The following CCSER1 variants were observed in gnomAD, a reference collection of about 807,000 sequenced individuals.
The protein encoded by CCSER1 is coiled-coil serine rich protein 1.
A neutral mutation model predicts 82.0 loss-of-function variants in CCSER1; 41 were observed. That is an observed-to-expected ratio of 0.50 (90% CI 0.39 to 0.65). CCSER1 has a LOEUF of 0.65. Ranked by LOEUF, CCSER1 falls within the 30% of genes least tolerant of loss-of-function variation. The pLI is 0.00. For missense variants in CCSER1, 1,119 were observed against 1,064.2 expected (o/e 1.05, Z -0.72); for synonymous variants, 414 against 383.9 (o/e 1.08, Z -0.92).
chr4:90,804,857 A>G (rs1757303472), intron 7 of CCSER1, among the ~76,000 whole-genome samples: 1 of 152,204 alleles, frequency 6.6e-6, no homozygotes. Context: ...CAGGAATGAA[A>G]TCACTTGTAT....
At chr4:90,534,533 C>A (rs987335022) in intron 5 of CCSER1, among the ~76,000 whole-genome samples, 3 of 151,038 alleles carry the variant, frequency 2.0e-5, no homozygotes, top group Non-Finnish European at 4.4e-5. Flanking sequence ...TATGGACGAG[C>A]CCCACTATTA....
At chr4:90,568,468 A>C (rs1436576677) in intron 5 of CCSER1, among the ~76,000 whole-genome samples, 1 of 151,800 alleles carries the variant, frequency 6.6e-6, no homozygotes, top group Non-Finnish European at 1.5e-5. Context: ...ATCTGATTTA[A>C]GTTTGGTTAT....
At position 90,464,849 on chromosome 4, in the gene CCSER1, A is replaced by C. The variant is rs567763372; in HGVS notation, c.1604-3385A>C. The stretch of plus-strand genomic sequence containing the variant: ...CCTTTATAAAATTAATATGTGAATA[A>C]AATTTTTTATGCATTATTAACTTTT... On this transcript the variant is annotated intron_variant, in intron 4 of 10. Transcript: ENST00000509176. 2.0e-5 allele frequency among the ~76,000 whole-genome samples: 3 copies of C among 152,368 alleles called. No individual in the cohort carries two copies. The South Asian group carries it at 6.2e-4, about 32-fold the overall frequency.
At chr4:90,294,671 T>G (rs1419717993) in intron 1 of CCSER1, among the ~76,000 whole-genome samples, 1 of 152,084 alleles carries the variant, frequency 6.6e-6, no homozygotes, top group Non-Finnish European at 1.5e-5. Flanking sequence ...GCTATATATC[T>G]CATACTCCCT....
At chr4:90,482,340 T>A (rs1766153928) in intron 5 of CCSER1, among the ~76,000 whole-genome samples, 1 of 152,180 alleles carries the variant, frequency 6.6e-6, no homozygotes. Context: ...ATTCATTGAT[T>A]TTTTGAAGGG....
chr4:90,169,728 C>G (rs1170429825), intron 1 of CCSER1, among the ~76,000 whole-genome samples: 1 of 152,046 alleles, frequency 6.6e-6, no homozygotes, highest in Non-Finnish European at 1.5e-5. Flanking sequence ...TTCTTCCATT[C>G]TCACTACATG....
At chr4:90,842,929 G>T (rs1332000006) in intron 8 of CCSER1, among the ~76,000 whole-genome samples, 6 of 152,184 alleles carry the variant, frequency 3.9e-5, no homozygotes, top group Admixed American at 3.9e-4. Flanking sequence ...AAAAACATGT[G>T]TGAGGAGGCT....
chr4:90,718,545 C>T (rs1462660958), intron 6 of CCSER1, among the ~76,000 whole-genome samples: 1 of 152,014 alleles, frequency 6.6e-6, no homozygotes, highest in East Asian at 1.9e-4. Flanking sequence ...TTCAGCATTC[C>T]CATATGGAAC....
intron 8 of CCSER1, among the ~76,000 whole-genome samples, chr4:90,844,307 T>C (rs915390263): frequency 6.6e-6 from 1 of 152,150 alleles, no homozygotes; most frequent in Admixed American, 6.5e-5. Flanking sequence ...TGCTTTACTG[T>C]GCATGTTAAA....
intron 9 of CCSER1, among the ~76,000 whole-genome samples, chr4:91,006,329 TG>T (rs1738501905): frequency 6.6e-6 from 1 of 152,044 alleles, no homozygotes; most frequent in African/African-American, 2.4e-5. Context: ...TACTAATTTC[TG>T]TAGGTTAATT....
At chr4:91,394,010 A>G (rs1751818427) in intron 10 of CCSER1, among the ~76,000 whole-genome samples, 1 of 152,144 alleles carries the variant, frequency 6.6e-6, no homozygotes, top group Admixed American at 6.6e-5. Flanking sequence ...AAATTGAATG[A>G]ACTTATGATC....
At chr4:90,240,635 G>A (rs1346927314) in intron 1 of CCSER1, among the ~76,000 whole-genome samples, 1 of 152,182 alleles carries the variant, frequency 6.6e-6, no homozygotes, top group African/African-American at 2.4e-5. Context: ...GTGGAAAAGT[G>A]CATTTGGAGC....
chr4:91,581,292 G>A (rs1201377740), intron 10 of CCSER1, among the ~76,000 whole-genome samples: 1 of 151,690 alleles, frequency 6.6e-6, no homozygotes, highest in East Asian at 1.9e-4. Context: ...TCTCATAGCA[G>A]TGTTTTATTT....
intron 10 of CCSER1, among the ~76,000 whole-genome samples, chr4:91,580,530 C>T (rs1268565489): frequency 6.6e-6 from 1 of 151,718 alleles, no homozygotes; most frequent in African/African-American, 2.4e-5. Context: ...TACCCAGACT[C>T]ATTGTAGAAA....
chr4:91,133,910 C>T (rs1343196611), intron 10 of CCSER1, among the ~76,000 whole-genome samples: 1 of 152,002 alleles, frequency 6.6e-6, no homozygotes, highest in Non-Finnish European at 1.5e-5. Flanking sequence ...ACCAGCCTGA[C>T]CAACATAGTG....
chr4:90,436,587 G>A (rs188186225), intron 4 of CCSER1, among the ~76,000 whole-genome samples: 1 of 152,164 alleles, frequency 6.6e-6, no homozygotes, highest in East Asian at 1.9e-4. Flanking sequence ...GAGACTTAAA[G>A]TTATATAAGC....
intron 10 of CCSER1, among the ~76,000 whole-genome samples, chr4:91,335,821 T>G (rs1159862085): frequency 2.0e-5 from 3 of 152,020 alleles, no homozygotes; most frequent in Non-Finnish European, 4.4e-5. Context: ...TTTTTTAGAG[T>G]TAGAGACAAA....
intron 9 of CCSER1, among the ~76,000 whole-genome samples, chr4:91,005,005 G>C (rs976885286): frequency 6.6e-6 from 1 of 152,146 alleles, no homozygotes; most frequent in Non-Finnish European, 1.5e-5. Context: ...TGAGAGAGAA[G>C]TATAAAATGA....
At chr4:90,518,077 A>G (rs1159816465) in intron 5 of CCSER1, among the ~76,000 whole-genome samples, 1 of 152,142 alleles carries the variant, frequency 6.6e-6, no homozygotes, top group African/African-American at 2.4e-5. Flanking sequence ...TGATGTATAA[A>G]TTAAATTATA....
Sources: allele counts gnomAD v4.1 joint callset (sites outside exome capture counted in the v4.1 genomes callset), GRCh38; gene constraint gnomAD v4.1.1; transcripts MANE v1.5; gene names NCBI Gene and HGNC (gene_info 2026-07-23, HGNC 2026-07-21).